The following CNGB3 variants were observed in gnomAD, a reference collection of about 807,000 sequenced individuals.
CNGB3 encodes the protein cyclic nucleotide-gated channel beta-3.
CNGB3 carries 86 observed loss-of-function variants against 92.8 expected under a neutral mutation model. That is an observed-to-expected ratio of 0.93 (90% CI 0.78 to 1.11). The LOEUF (loss-of-function observed/expected upper bound fraction) is 1.11, where lower values mean the gene tolerates loss of function less well. CNGB3 is among the 50% of genes least tolerant of loss of function. CNGB3 has a pLI of 0.00. For synonymous variants in CNGB3, 333 were observed against 332.7 expected (o/e 1.00, Z -0.01); for missense variants, 1,026 against 956.8 (o/e 1.07, Z -0.95).
chr8:86,699,760 G>C (rs1366681643), intron 3 of CNGB3, among the ~76,000 whole-genome samples: 1 of 152,078 alleles, frequency 6.6e-6, no homozygotes, highest in African/African-American at 2.4e-5. Context: ...AAATTTATAG[G>C]GTTGTCCAAG....
At chr8:86,581,452 T>C (rs1229556209) in intron 15 of CNGB3, among the ~76,000 whole-genome samples, 1 of 152,138 alleles carries the variant, frequency 6.6e-6, no homozygotes, top group Non-Finnish European at 1.5e-5. Flanking sequence ...AGATCCCCTC[T>C]CGGCTCTGGC....
At chr8:86,607,419 T>C (rs1054674996) in intron 14 of CNGB3, among the ~76,000 whole-genome samples, 13 of 152,132 alleles carry the variant, frequency 8.5e-5, no homozygotes, top group Admixed American at 7.9e-4. Context: ...CCCCTGGAGA[T>C]AGCGCCCTTC....
chr8:86,676,667 C>A (rs945580841), intron 3 of CNGB3, among the ~76,000 whole-genome samples: 2 of 152,130 alleles, frequency 1.3e-5, no homozygotes, highest in African/African-American at 4.8e-5. Flanking sequence ...GGTCATTGTA[C>A]TACATTGAAT....
At chr8:86,681,733 A>G (rs531958846) in intron 3 of CNGB3, among the ~76,000 whole-genome samples, 23 of 152,222 alleles carry the variant, frequency 1.5e-4, no homozygotes, top group Admixed American at 1.2e-3. Flanking sequence ...GAAAAAAACA[A>G]CAACCTTATA....
chr8:86,602,015 T>C (rs1441249), intron 15 of CNGB3, among the ~76,000 whole-genome samples: 55,377 of 152,096 alleles, frequency 0.36, 12,516 homozygotes, highest in Non-Finnish European at 0.52. Flanking sequence ...ATATCAGCAA[T>C]TAACATACTT....
At chr8:86,585,611 A>G (rs534559058) in intron 15 of CNGB3, among the ~76,000 whole-genome samples, 1 of 152,310 alleles carries the variant, frequency 6.6e-6, no homozygotes, top group South Asian at 2.1e-4. Context: ...GGAATTCATA[A>G]AAAAATGAAC....
intron 3 of CNGB3, 114 bp from the exon 4 acceptor site, chr8:86,671,212 T>G: frequency 8.4e-7 from 1 of 1,187,076 alleles, no homozygotes; most frequent in South Asian, 1.2e-5. Context: ...TTCCCCTTTT[T>G]TGCAATTGAA....
At chr8:86,742,301 G>T (rs1278679688) in intron 1 of CNGB3, among the ~76,000 whole-genome samples, 3 of 152,170 alleles carry the variant, frequency 2.0e-5, no homozygotes, top group African/African-American at 7.2e-5. Context: ...CATTGTATGA[G>T]TTCTTAAACA....
At chr8:86,709,332 C>T (rs971147) in intron 3 of CNGB3, among the ~76,000 whole-genome samples, 28,512 of 152,130 alleles carry the variant, frequency 0.19, 3,333 homozygotes, top group South Asian at 0.3. Context: ...AACTTGTCCC[C>T]TGGCTACGTT....
At chr8:86,582,181 G>A (rs111630666) in intron 15 of CNGB3, among the ~76,000 whole-genome samples, 5,987 of 152,120 alleles carry the variant, frequency 0.039, 337 homozygotes, top group African/African-American at 0.13. Flanking sequence ...GATCACTTGA[G>A]CTCAGAGTTC....
At chr8:86,599,002 G>A (rs543874134) in intron 15 of CNGB3, among the ~76,000 whole-genome samples, 2 of 152,154 alleles carry the variant, frequency 1.3e-5, no homozygotes, top group East Asian at 3.9e-4. Context: ...CCTCAGTAGG[G>A]GTTTATAGGA....
chr8:86,634,910 C>G (rs1823033270), intron 10 of CNGB3, among the ~76,000 whole-genome samples: 1 of 149,788 alleles, frequency 6.7e-6, no homozygotes, highest in Admixed American at 6.7e-5. Context: ...AAAAACAGAT[C>G]TAGAAAGAAA....
At chr8:86,614,088 A>G (rs939911530) in intron 13 of CNGB3, among the ~76,000 whole-genome samples, 1 of 151,800 alleles carries the variant, frequency 6.6e-6, no homozygotes, top group Non-Finnish European at 1.5e-5. Flanking sequence ...TTGCCTTGGC[A>G]CCAATTTTGA....
At chr8:86,648,948 A>G (rs955149236) in intron 7 of CNGB3, among the ~76,000 whole-genome samples, 3 of 151,440 alleles carry the variant, frequency 2.0e-5, no homozygotes, top group African/African-American at 7.3e-5. Context: ...AACAAATTCA[A>G]TAAAGTCTCA....
chr8:86,610,480 T>C (rs574245119), intron 14 of CNGB3, among the ~76,000 whole-genome samples: 39 of 152,258 alleles, frequency 2.6e-4, no homozygotes, highest in South Asian at 4.1e-4. Context: ...CTCCAATTCA[T>C]TTTTCAAGAC....
intron 6 of CNGB3, among the ~76,000 whole-genome samples, chr8:86,654,984 C>T (rs978509865): frequency 1.3e-5 from 2 of 152,160 alleles, no homozygotes; most frequent in Non-Finnish European, 2.9e-5. Context: ...TTGTCCTCTT[C>T]ACTTAGCAGA....
At chr8:86,632,642 A>C in intron 11 of CNGB3, 110 bp downstream of exon 11, 1 of 1,193,516 alleles carries the variant, frequency 8.4e-7, no homozygotes, top group Non-Finnish European at 1.2e-6. Context: ...AGTTAGTTCA[A>C]AAAAAGAAGA....
intron 13 of CNGB3, among the ~76,000 whole-genome samples, chr8:86,620,842 A>G (rs1305624359): frequency 6.6e-6 from 1 of 152,198 alleles, no homozygotes; most frequent in African/African-American, 2.4e-5. Flanking sequence ...TACCTCTATG[A>G]AAATAAATTT....
chr8:86,589,976 G>A lies in CNGB3; in HGVS notation c.1782-10724C>T, dbSNP rs541375609. Among the ~76,000 whole-genome samples, 8 of 146,570 alleles carry A rather than the reference G, an allele frequency of 5.5e-5. No homozygotes were observed. In the Middle Eastern group the frequency reaches 0.011, roughly 201 times the overall value. On this transcript the variant is annotated intron_variant, in intron 15 of 17. Transcript: ENST00000320005. ...CCATTATTATTGTGTGGGAGTCTAAGTCTCTTTGTAGGTCACTCAGGACTT... is the reference window on the plus strand; with the variant it reads ...CCATTATTATTGTGTGGGAGTCTAAATCTCTTTGTAGGTCACTCAGGACTT...
Sources: allele counts gnomAD v4.1 joint callset (sites outside exome capture counted in the v4.1 genomes callset), GRCh38; gene constraint gnomAD v4.1.1; transcripts MANE v1.5; gene names NCBI Gene and HGNC (gene_info 2026-07-23, HGNC 2026-07-21).